Variants in ZNF211 observed in about 807,000 individuals in gnomAD.
ZNF211 encodes the protein zinc finger protein 211.
ZNF211 carries 18 observed loss-of-function variants against 12.1 expected under a neutral mutation model. That is an observed-to-expected ratio of 1.48 (90% CI 1.03 to 2.20). The LOEUF (loss-of-function observed/expected upper bound fraction) is 2.20. Among genes scored for constraint, ZNF211 ranks in the 30% most tolerant of loss-of-function variants. The pLI is 0.00. For synonymous variants in ZNF211, 249 were observed against 246.0 expected, an observed-to-expected ratio of 1.01 and a Z score of -0.11; for missense variants, 677 against 703.1, an observed-to-expected ratio of 0.96 and a Z score of 0.42.
rs756785599 is a variant in ZNF211, at chr19:57,634,742, T to TA, written c.244dup (p.Thr82AsnfsTer13). On this transcript the variant is annotated frameshift_variant, in exon 3 of 4. Transcript: ENST00000240731. LOFTEE classifies it low-confidence loss of function (END_TRUNC). ...ATGTGATGCTGGAGAACTTTGCACTTACGTCCTCCCTGGGTAAGGCCCTCA... is the reference window on the plus strand; with the variant it reads ...ATGTGATGCTGGAGAACTTTGCACTTAACGTCCTCCCTGGGTAAGGCCCTCA... 2.5e-6 allele frequency: 4 copies of TA among 1,600,062 alleles called. No homozygotes were observed. Among genetic ancestry groups the TA allele is most frequent in the South Asian group, 1.1e-5 (1 of 89,464 alleles).
At position 57,633,443 on chromosome 19, in the gene ZNF211, G is replaced by T; in HGVS notation, c.90+7G>T. 1 of 1,593,254 alleles carries T rather than the reference G, an allele frequency of 6.3e-7. No homozygotes were observed. ...ACTGAGGGACCCGGCTTCGGTGAGCGCTGCGATCTCCGGGCCTCCCCCGGC... is the reference window on the plus strand; with the variant it reads ...ACTGAGGGACCCGGCTTCGGTGAGCTCTGCGATCTCCGGGCCTCCCCCGGC... On this transcript the variant is annotated splice_region_variant and intron_variant, in intron 1 of 3. Transcript: ENST00000240731.
At chr19:57,638,666 C>G (rs1403364206) in intron 3 of ZNF211, among the ~76,000 whole-genome samples, 1 of 152,194 alleles carries the variant, frequency 6.6e-6, no homozygotes, top group Non-Finnish European at 1.5e-5. Flanking sequence ...TTTTGGTACA[C>G]ATGAGGGGAA....
chr19:57,634,191 C>G, intron 2 of ZNF211, 130 bp downstream of exon 2: 1 of 1,056,714 alleles, frequency 9.5e-7, no homozygotes, highest in Non-Finnish European at 1.3e-6. Context: ...TTTGGGAACC[C>G]TGGAGAATCC....
rs1398390902 is a variant in ZNF211 at position 57,643,709 on chromosome 19, A to G, written c.*1528A>G. ...TCATTATAATTATTACAATGAACAT[A>G]TCAGTCACCTCGGATTTACCTCAGG... On this transcript the variant is annotated 3_prime_UTR_variant, in exon 4 of 4. Coordinates refer to ENST00000240731, the MANE Select transcript of ZNF211 (RefSeq NM_006385.5). Among the ~76,000 whole-genome samples the G allele has an allele frequency of 6.6e-6, 1 of 152,198 alleles. No homozygotes were observed. Among genetic ancestry groups the G allele is most frequent in the Non-Finnish European group, 1.5e-5 (1 of 68,038 alleles).
In ZNF211 at chr19:57,641,576, A is replaced by G. The variant is rs867859852; in HGVS notation, c.1129A>G (p.Thr377Ala). 6.2e-7 allele frequency: 1 copy of G among 1,614,110 alleles called. No individual in the cohort carries two copies. ...SNLMQHRRVHTGERPYECSEC... is the reference protein window; with the variant it reads ...SNLMQHRRVHAGERPYECSEC... Reference sequence around the variant, plus strand: ...CCTCATGCAGCATCGCAGAGTTCACACTGGAGAAAGGCCTTATGAATGCAG... The same window carrying G: ...CCTCATGCAGCATCGCAGAGTTCACGCTGGAGAAAGGCCTTATGAATGCAG... Residue 377 changes from threonine to alanine, a missense_variant, in exon 4 of 4, where the codon ACT becomes GCT. Physicochemically the swap from Thr to Ala is moderately conservative, Grantham distance 58. Coordinates refer to ENST00000240731, the MANE Select transcript of ZNF211 (RefSeq NM_006385.5).
At position 57,641,890 on chromosome 19, in the gene ZNF211, TAAG is replaced by T; in HGVS notation, c.1446_1448del (p.Lys482del). ...AATCCTTTAGCCATAGCTCCAACCT[TAAG>T]AACCACCAGAGAGTTCACACTGGAG... On this transcript the variant is annotated inframe_deletion, in exon 4 of 4. Transcript: ENST00000240731. The T allele has an allele frequency of 3.1e-6, 5 of 1,610,262 alleles. No individual in the cohort carries two copies. The highest frequency in any genetic ancestry group is 3.4e-6 in the Non-Finnish European group (4 of 1,178,930).
At chr19:57,639,818 T>C (rs1982642898) in intron 3 of ZNF211, 1 of 1,312,806 alleles carries the variant, frequency 7.6e-7, no homozygotes, top group African/African-American at 1.5e-5. Context: ...CTTGAATTTA[T>C]ACAAACTTAA....
intron 3 of ZNF211, among the ~76,000 whole-genome samples, chr19:57,640,268 C>T (rs2122212019): frequency 6.6e-6 from 1 of 152,352 alleles, no homozygotes; most frequent in South Asian, 2.1e-4. Flanking sequence ...CTGTTCTTTT[C>T]ACTGTTCCCT....
chr19:57,640,076 T>G, intron 3 of ZNF211: 1 of 1,533,840 alleles, frequency 6.5e-7, no homozygotes, highest in South Asian at 1.2e-5. Context: ...AGGTCTGTGT[T>G]TAAATTGCAC....
rs1198977397 is a variant in ZNF211, at chr19:57,633,200, A to G, written c.-147A>G. 8 of 742,832 alleles carry G rather than the reference A, an allele frequency of 1.1e-5. No homozygotes were observed. The Admixed American group carries it at 1.8e-4, about 17-fold the overall frequency. The allele number at this position is 742,832 out of a possible 1,614,324, so 46.0% of individuals were successfully genotyped here. On this transcript the variant is annotated 5_prime_UTR_variant, in exon 1 of 4. Transcript: ENST00000240731. ...GACTTGTGGCGTCTTCGCAGCGGTC[A>G]TTTTGGCTGCCCTCCCGGAGGTCCG... is the stretch of plus-strand genomic sequence containing the variant.
intron 3 of ZNF211, among the ~76,000 whole-genome samples, chr19:57,635,941 T>C (rs1982075446): frequency 6.6e-6 from 1 of 152,230 alleles, no homozygotes; most frequent in African/African-American, 2.4e-5. Context: ...TGGTGTGAGG[T>C]GATATCTCAC....
At chr19:57,637,610 G>A (rs1057499758) in intron 3 of ZNF211, among the ~76,000 whole-genome samples, 1 of 152,150 alleles carries the variant, frequency 6.6e-6, no homozygotes, top group Non-Finnish European at 1.5e-5. Context: ...TCTGGTCGTA[G>A]TGCATAATCC....
intron 1 of ZNF211, chr19:57,633,770 G>A (rs1981765324): frequency 6.5e-7 from 1 of 1,537,082 alleles, no homozygotes; most frequent in Non-Finnish European, 8.7e-7. Flanking sequence ...AGTTAAATTT[G>A]AAAAATCCTC....
intron 3 of ZNF211, among the ~76,000 whole-genome samples, chr19:57,637,015 C>T (rs1348106325): frequency 1.3e-5 from 2 of 152,100 alleles, no homozygotes; most frequent in Non-Finnish European, 2.9e-5. Context: ...TGTATAGAAA[C>T]GTAACTGATT....
Position 57,642,550 on chromosome 19 carries a change from C to G in ZNF211, c.*369C>G, listed in dbSNP as rs116754622. ...TCATGAATAGTCTGAGTCTTCCTCT[C>G]TGACAAGTTAGGGCATGGACTTGAC... On this transcript the variant is annotated 3_prime_UTR_variant, in exon 4 of 4. Transcript: ENST00000240731. 1 of 180,468 alleles carries G rather than the reference C, an allele frequency of 5.5e-6. No homozygotes were observed. The highest frequency in any genetic ancestry group is 1.4e-4 in the East Asian group (1 of 7,260). The allele number at this position is 180,468 out of a possible 1,614,324, so 11.2% of individuals were successfully genotyped here.
chr19:57,642,123 T>G lies in ZNF211; in HGVS notation c.1676T>G (p.Phe559Cys). 6.2e-7 allele frequency: 1 copy of G among 1,614,020 alleles called. No individual in the cohort carries two copies. The highest frequency in any genetic ancestry group is 8.5e-7 in the Non-Finnish European group (1 of 1,179,890). The change falls in exon 4 of 4, where the codon TTT (phenylalanine) becomes TGT (cysteine). Residue 559 changes from phenylalanine to cysteine, a missense_variant. Coordinates refer to ENST00000240731, the MANE Select transcript of ZNF211 (RefSeq NM_006385.5). The stretch of plus-strand genomic sequence containing the variant: ...CAGTGCAGTCAATGTGGGAAATCCT[T>G]TGGCTGCAAATCTGTCCTCATTCAA... ...PYQCSQCGKS[F>C]GCKSVLIQHQ...
chr19:57,634,965 C>A, intron 3 of ZNF211: 2 of 985,398 alleles, frequency 2.0e-6, no homozygotes, highest in Non-Finnish European at 2.4e-6. Flanking sequence ...AGTAGTCTTA[C>A]AGTAAGCCTA....
chr19:57,635,008 T>C, intron 3 of ZNF211: 8 of 974,498 alleles, frequency 8.2e-6, no homozygotes, highest in Non-Finnish European at 9.8e-6. Flanking sequence ...TCTCCCTGTC[T>C]GGTGACTTTC....
At position 57,633,209 on chromosome 19, in the gene ZNF211, G is replaced by C. The variant is rs991868378; in HGVS notation, c.-138G>C. On this transcript the variant is annotated 5_prime_UTR_variant, in exon 1 of 4. Coordinates refer to ENST00000240731, the MANE Select transcript of ZNF211 (RefSeq NM_006385.5). Reference sequence around the variant, plus strand: ...CGTCTTCGCAGCGGTCATTTTGGCTGCCCTCCCGGAGGTCCGTTCTGTCTG... The same window carrying C: ...CGTCTTCGCAGCGGTCATTTTGGCTCCCCTCCCGGAGGTCCGTTCTGTCTG... The C allele has an allele frequency of 9.6e-6, 8 of 836,664 alleles. No homozygotes were observed. The highest frequency in any genetic ancestry group is 3.1e-5 in the East Asian group (1 of 32,630). 51.8% of individuals were successfully genotyped at this position (836,664 alleles called of 1,614,324 possible). A position where few individuals can be genotyped will look rare whatever the true frequency, so the allele number is the denominator to read the frequency against.
Sources: gnomAD v4.1 joint callset for allele counts (sites outside exome capture counted in the v4.1 genomes callset) on GRCh38, gnomAD v4.1.1 for gene constraint, MANE v1.5 for transcripts, NCBI Gene and HGNC (gene_info 2026-07-23, HGNC 2026-07-21) for gene names.